Variants in COMMD1 observed in about 807,000 individuals in gnomAD.
The protein encoded by COMMD1 is copper metabolism domain containing 1.
COMMD1 carries 10 observed loss-of-function variants against 17.2 expected under a neutral mutation model. The ratio of observed to expected loss-of-function variants is 0.58; its 90% CI spans 0.36 to 0.99. The LOEUF is 0.99. Ranked by LOEUF, COMMD1 falls within the 50% of genes least tolerant of loss-of-function variation. The probability of loss-of-function intolerance (pLI) is 0.01; values close to 1 mark genes in which losing one functional copy is unlikely to be tolerated. For missense variants in COMMD1, 270 were observed against 231.8 expected (o/e 1.17, Z -1.07); for synonymous variants, 97 against 91.6 (o/e 1.06, Z -0.34).
chr2:61,941,013 T>C (rs964991761), intron 1 of COMMD1, among the ~76,000 whole-genome samples: 2 of 149,454 alleles, frequency 1.3e-5, no homozygotes, highest in African/African-American at 5.0e-5. Context: ...GCTCCCTTTT[T>C]CCTTTCCCTT....
intron 2 of COMMD1, among the ~76,000 whole-genome samples, chr2:62,040,617 A>G (rs974214072): frequency 1.1e-4 from 16 of 152,254 alleles, no homozygotes; most frequent in African/African-American, 2.6e-4. Flanking sequence ...ACCAAGATCA[A>G]TTTGCCTTGC....
intron 2 of COMMD1, among the ~76,000 whole-genome samples, chr2:62,045,599 A>T (rs1026897250): frequency 2.7e-5 from 4 of 148,968 alleles, no homozygotes; most frequent in African/African-American, 9.9e-5. Flanking sequence ...ACAGGGTTTC[A>T]CTATGTTGGC....
intron 1 of COMMD1, among the ~76,000 whole-genome samples, chr2:61,914,807 C>T (rs1354213248): frequency 6.6e-6 from 1 of 151,252 alleles, no homozygotes; most frequent in East Asian, 2.0e-4. Flanking sequence ...TCTCGTGTCT[C>T]AGCCACCCGA....
chr2:62,105,665 A>T (rs1672309950), intron 2 of COMMD1, among the ~76,000 whole-genome samples: 1 of 152,186 alleles, frequency 6.6e-6, no homozygotes, highest in South Asian at 2.1e-4. Flanking sequence ...GTCTACTAAA[A>T]ATATGAAAAT....
chr2:62,017,886 T>A (rs1024416759), intron 2 of COMMD1, among the ~76,000 whole-genome samples: 1 of 151,686 alleles, frequency 6.6e-6, no homozygotes, highest in African/African-American at 2.4e-5. Flanking sequence ...CTACAAAAAA[T>A]TTTTAAAATT....
At chr2:62,008,726 A>C (rs1669194443) in intron 2 of COMMD1, among the ~76,000 whole-genome samples, 1 of 152,238 alleles carries the variant, frequency 6.6e-6, no homozygotes, top group Non-Finnish European at 1.5e-5. Context: ...GGGATTGATA[A>C]AATTTAACAG....
intron 2 of COMMD1, among the ~76,000 whole-genome samples, chr2:62,099,039 C>A (rs1672098744): frequency 1.3e-5 from 2 of 152,142 alleles, no homozygotes; most frequent in Non-Finnish European, 2.9e-5. Context: ...TAGGTTTTAC[C>A]CTAAAAGGAG....
rs531784210 is a variant in COMMD1 at position 62,062,556 on chromosome 2, A to G, written c.462+61574A>G. Among the ~76,000 whole-genome samples, 13 of 152,214 alleles carry G rather than the reference A, an allele frequency of 8.5e-5. 1 individual carries two copies. Among genetic ancestry groups the G allele is most frequent in the Middle Eastern group, 3.4e-3 (1 of 294 alleles). ...ATACTGAGGATTTTTTAAAATGCAT[A>G]TACAGTTCCTGACCAGTGGTTTTTG... On this transcript the variant is annotated intron_variant, in intron 2 of 2. Transcript: ENST00000311832.
intron 2 of COMMD1, among the ~76,000 whole-genome samples, chr2:62,061,554 CTTTTTTTTTTTT>C (rs57638195): frequency 7.6e-6 from 1 of 131,542 alleles, no homozygotes; most frequent in African/African-American, 2.7e-5. Context: ...TCTTTCTTTT[CTTTTTTTTTTTT>C]TTTTTTTGAG....
chr2:61,984,114 T>C (rs1672035317), intron 1 of COMMD1, among the ~76,000 whole-genome samples: 1 of 152,192 alleles, frequency 6.6e-6, no homozygotes, highest in African/African-American at 2.4e-5. Context: ...AACCTCTGCC[T>C]CCCAGGTTCA....
chr2:61,984,435 ATTGT>A (rs1244286100), intron 1 of COMMD1, among the ~76,000 whole-genome samples: 2 of 152,168 alleles, frequency 1.3e-5, no homozygotes, highest in Non-Finnish European at 2.9e-5. Context: ...TCAGCAGCAT[ATTGT>A]TTAATTTCCA....
intron 1 of COMMD1, among the ~76,000 whole-genome samples, chr2:61,974,446 G>C (rs914374221): frequency 7.2e-5 from 11 of 151,964 alleles, no homozygotes; most frequent in African/African-American, 2.4e-4. Context: ...GGCTGAGGCA[G>C]GTGGATCACT....
intron 1 of COMMD1, among the ~76,000 whole-genome samples, chr2:61,936,796 T>C (rs1670617689): frequency 6.6e-6 from 1 of 152,206 alleles, no homozygotes. Flanking sequence ...GAACCCAAAA[T>C]ATGAGACTGG....
intron 2 of COMMD1, among the ~76,000 whole-genome samples, chr2:62,119,475 CAAA>C (rs542893534): frequency 2.4e-4 from 37 of 152,076 alleles, no homozygotes; most frequent in African/African-American, 8.4e-4. Context: ...CCACCCCAGC[CAAA>C]AAAACAAAAT....
chr2:61,960,432 A>C lies in COMMD1; in HGVS notation c.181-40269A>C, dbSNP rs184571747. 7.9e-5 allele frequency among the ~76,000 whole-genome samples: 12 copies of C among 152,290 alleles called. No individual in the cohort carries two copies. In the East Asian group the frequency reaches 2.3e-3, roughly 29 times the overall value. The stretch of plus-strand genomic sequence containing the variant: ...TACACCAACAAGAAGGAGTATACTT[A>C]ATACAGTAGCTAAGGAGGTGAGAAC... On this transcript the variant is annotated intron_variant, in intron 1 of 2. Coordinates refer to ENST00000311832, the MANE Select transcript of COMMD1 (RefSeq NM_152516.4).
At chr2:62,079,545 C>A (rs1380230360) in intron 2 of COMMD1, among the ~76,000 whole-genome samples, 1 of 152,174 alleles carries the variant, frequency 6.6e-6, no homozygotes, top group Non-Finnish European at 1.5e-5. Flanking sequence ...CAAGTCCCAG[C>A]CTCATTTTCC....
At chr2:61,929,923 C>A (rs1184413684) in intron 1 of COMMD1, among the ~76,000 whole-genome samples, 1 of 151,274 alleles carries the variant, frequency 6.6e-6, no homozygotes, top group Non-Finnish European at 1.5e-5. Context: ...CAGAGCCAGA[C>A]CCTGTCTCAA....
At chr2:62,096,629 A>C (rs1324494750) in intron 2 of COMMD1, among the ~76,000 whole-genome samples, 1 of 152,114 alleles carries the variant, frequency 6.6e-6, no homozygotes, top group Non-Finnish European at 1.5e-5. Flanking sequence ...CTGCCTGTCA[A>C]CTCTAAGAAT....
intron 1 of COMMD1, among the ~76,000 whole-genome samples, chr2:61,916,095 ATCTACAGGTGTG>A (rs943977772): frequency 2.2e-4 from 33 of 151,802 alleles, no homozygotes; most frequent in African/African-American, 7.7e-4. Context: ...CTGAACCTCG[ATCTACAGGTGTG>A]TGGCACCACT....
Sources: gnomAD v4.1 joint callset for allele counts (sites outside exome capture counted in the v4.1 genomes callset) on GRCh38, gnomAD v4.1.1 for gene constraint, MANE v1.5 for transcripts, NCBI Gene and HGNC (gene_info 2026-07-23, HGNC 2026-07-21) for gene names.